The following ZFHX3 variants were observed in gnomAD, a reference collection of about 807,000 sequenced individuals.
ZFHX3 encodes the protein zinc finger homeobox 3, also known as zinc finger homeobox protein 3.
Under a neutral mutation model 279.1 loss-of-function variants are expected in ZFHX3, and 42 were observed. The observed-to-expected ratio is 0.15, with a 90% CI of 0.12 to 0.19. The LOEUF (loss-of-function observed/expected upper bound fraction) is 0.19. Among genes scored for constraint, ZFHX3 ranks in the 10% least tolerant of loss-of-function variants. ZFHX3 has a pLI of 1.00. For synonymous variants in ZFHX3, 2,293 were observed against 1,957.8 expected, an observed-to-expected ratio of 1.17 and a Z score of -4.52; for missense variants, 4,981 against 4,754.0, an observed-to-expected ratio of 1.05 and a Z score of -1.40.
At chr16:73,434,308 A>G (rs2143521783) in intron 3 of ZFHX3, among the ~76,000 whole-genome samples, 1 of 152,338 alleles carries the variant, frequency 6.6e-6, no homozygotes, top group Non-Finnish European at 1.5e-5. Flanking sequence ...ATTGAGATGA[A>G]AGGTGAACGG....
chr16:73,697,507 C>A (rs2053208512), intron 1 of ZFHX3, among the ~76,000 whole-genome samples: 1 of 152,094 alleles, frequency 6.6e-6, no homozygotes, highest in South Asian at 2.1e-4. Context: ...TCCCAAGTTG[C>A]TATATACCTG....
intron 2 of ZFHX3, among the ~76,000 whole-genome samples, chr16:73,512,534 T>G (rs1350175350): frequency 2.0e-5 from 3 of 151,838 alleles, no homozygotes; most frequent in Non-Finnish European, 2.9e-5. Flanking sequence ...ACATTTTTTT[T>G]TTACAGAATG....
At chr16:72,897,406 G>A (rs755317764) in intron 3 of ZFHX3, among the ~76,000 whole-genome samples, 10 of 150,292 alleles carry the variant, frequency 6.7e-5, no homozygotes, top group Non-Finnish European at 1.5e-4. Flanking sequence ...TGCATGCAGA[G>A]CATTTACTGT....
At chr16:73,799,804 C>G (rs1057430351) in intron 1 of ZFHX3, among the ~76,000 whole-genome samples, 4 of 152,158 alleles carry the variant, frequency 2.6e-5, no homozygotes, top group African/African-American at 9.7e-5. Flanking sequence ...AAGCATCTCA[C>G]TCTCCCATTT....
chr16:73,038,222 T>A (rs995393202), intron 1 of ZFHX3, among the ~76,000 whole-genome samples: 1 of 151,996 alleles, frequency 6.6e-6, no homozygotes, highest in South Asian at 2.1e-4. Context: ...GGATATTGAC[T>A]CCCCCACCCC....
At chr16:72,941,431 T>C (rs1431756736) in intron 3 of ZFHX3, among the ~76,000 whole-genome samples, 2 of 152,204 alleles carry the variant, frequency 1.3e-5, no homozygotes, top group African/African-American at 4.8e-5. Context: ...CAGGTCATTA[T>C]GAACAAATTT....
intron 3 of ZFHX3, among the ~76,000 whole-genome samples, chr16:73,425,391 T>A (rs1289622564): frequency 6.6e-6 from 1 of 152,220 alleles, no homozygotes; most frequent in Non-Finnish European, 1.5e-5. Flanking sequence ...TTGCTTAATC[T>A]ATGCCAAGCA....
At chr16:73,143,677 T>C in intron 6 of ZFHX3, 2 of 1,088,442 alleles carry the variant, frequency 1.8e-6, no homozygotes, top group Non-Finnish European at 2.5e-6. Context: ...TCTGGCTGGT[T>C]AGTCTTTTTT....
chr16:73,096,769 A>G (rs1383736113), intron 7 of ZFHX3, among the ~76,000 whole-genome samples: 1 of 152,012 alleles, frequency 6.6e-6, no homozygotes, highest in African/African-American at 2.4e-5. Flanking sequence ...AAGGCAGAGA[A>G]TGGGGCATCA....
chr16:73,187,147 C>G (rs890525947), intron 5 of ZFHX3, among the ~76,000 whole-genome samples: 2 of 147,872 alleles, frequency 1.4e-5, no homozygotes, highest in African/African-American at 5.0e-5. Context: ...GTATGTCTCA[C>G]ACACACACAC....
At chr16:73,885,163 T>C (rs1029720227) in intron 1 of ZFHX3, among the ~76,000 whole-genome samples, 1 of 152,136 alleles carries the variant, frequency 6.6e-6, no homozygotes, top group African/African-American at 2.4e-5. Flanking sequence ...TTCAGATGTT[T>C]ACAATCTAGC....
intron 1 of ZFHX3, among the ~76,000 whole-genome samples, chr16:73,018,934 G>A (rs10221055): frequency 0.15 from 23,187 of 152,126 alleles, 2,173 homozygotes; most frequent in Middle Eastern, 0.23. Flanking sequence ...TTCCGGTTCC[G>A]CTAAGACTCT....
At chr16:73,423,235 G>GAA (rs5817846) in intron 3 of ZFHX3, among the ~76,000 whole-genome samples, 158 of 151,054 alleles carry the variant, frequency 1.0e-3, no homozygotes, top group Admixed American at 2.8e-3. Flanking sequence ...AGCTGTTAGG[G>GAA]AAAAAAAAAT....
intron 2 of ZFHX3, among the ~76,000 whole-genome samples, chr16:73,656,906 AT>A (rs1192116177): frequency 2.0e-5 from 3 of 152,252 alleles, no homozygotes; most frequent in African/African-American, 7.2e-5. Context: ...CAGTCACATA[AT>A]AAACTATTTT....
chr16:73,766,104 C>T (rs1238703945), intron 1 of ZFHX3, among the ~76,000 whole-genome samples: 2 of 152,156 alleles, frequency 1.3e-5, no homozygotes, highest in Non-Finnish European at 2.9e-5. Flanking sequence ...CCCAATCCCA[C>T]CCCTTGCCCC....
Position 72,812,003 on chromosome 16 carries a change from A to T in ZFHX3, c.3565T>A (p.Ser1189Thr). 3 of 1,614,140 alleles carry T rather than the reference A, an allele frequency of 1.9e-6. No homozygotes were observed. The highest frequency in any genetic ancestry group is 1.7e-6 in the Non-Finnish European group (2 of 1,180,034). ...GAGATGCGTTTGGAGGTTGCAGGAG[A>T]ATCTGTCAGCTCCTTCTCTGCTTGG... Reference protein sequence around the residue: ...SSQAEKELTDSPATSKRISFP... With the variant: ...SSQAEKELTDTPATSKRISFP... Residue 1189 changes from serine to threonine, a missense_variant, in exon 6 of 10, where the codon TCT becomes ACT. Physicochemically the swap from Ser to Thr is moderately conservative, Grantham distance 58 (BLOSUM62 1). Transcript: ENST00000268489.
At position 72,796,047 on chromosome 16, in the gene ZFHX3, C is replaced by T. The variant is rs773522116; in HGVS notation, c.6635G>A (p.Ser2212Asn). 1.1e-5 allele frequency: 17 copies of T among 1,614,040 alleles called. No individual in the cohort carries two copies. The highest frequency in any genetic ancestry group is 1.6e-4 in the Middle Eastern group (1 of 6,084). ...QRNKDSPYNF[S>N]NPPITSLEEL... is the part of the protein sequence containing the mutation. ...CTCCAGGCTGGTGATAGGAGGATTACTGAAGTTGTAAGGGGAGTCCTTGTT... is the reference window on the plus strand; with the variant it reads ...CTCCAGGCTGGTGATAGGAGGATTATTGAAGTTGTAAGGGGAGTCCTTGTT... The change falls in exon 9 of 10, where the codon AGT becomes AAT. Residue 2212 changes from serine to asparagine, a missense_variant. Transcript: ENST00000268489.
At chr16:73,636,263 A>G (rs1204076661) in intron 2 of ZFHX3, among the ~76,000 whole-genome samples, 1 of 152,226 alleles carries the variant, frequency 6.6e-6, no homozygotes, top group Non-Finnish European at 1.5e-5. Flanking sequence ...AGAAGAATAC[A>G]TGCTCAACAT....
intron 3 of ZFHX3, among the ~76,000 whole-genome samples, chr16:73,410,866 G>A (rs1362946634): frequency 6.6e-6 from 1 of 152,208 alleles, no homozygotes; most frequent in African/African-American, 2.4e-5. Context: ...CATGGGTGAT[G>A]GGAAACTAAA....
Sources: gnomAD v4.1 joint callset for allele counts (sites outside exome capture counted in the v4.1 genomes callset) on GRCh38, gnomAD v4.1.1 for gene constraint, MANE v1.5 for transcripts, NCBI Gene and HGNC (gene_info 2026-07-23, HGNC 2026-07-21) for gene names.